The following ZNF532 variants were observed in gnomAD, a reference collection of about 807,000 sequenced individuals.
The protein encoded by ZNF532 is zinc finger protein 532.
Under a neutral mutation model 89.3 loss-of-function variants are expected in ZNF532, and 22 were observed. The ratio of observed to expected loss-of-function variants is 0.25; its 90% confidence interval spans 0.18 to 0.35. ZNF532 has a LOEUF of 0.35. Ranked by LOEUF, ZNF532 falls within the 10% of genes least tolerant of loss-of-function variation. ZNF532 has a pLI of 1.00. For missense variants in ZNF532, 1,132 were observed against 1,643.4 expected (o/e 0.69, Z 5.38); for synonymous variants, 606 against 649.6 (o/e 0.93, Z 1.02).
intron 3 of ZNF532, among the ~76,000 whole-genome samples, 191 bp downstream of exon 3, chr18:58,920,824 G>A (rs148765223): frequency 4.5e-4 from 68 of 150,362 alleles, no homozygotes; most frequent in Admixed American, 1.4e-3. Flanking sequence ...CTGTGCAGCC[G>A]GGCACATGAT....
At chr18:58,960,366 A>G (rs12953858) in intron 7 of ZNF532, among the ~76,000 whole-genome samples, 30,954 of 152,162 alleles carry the variant, frequency 0.2, 4,240 homozygotes, top group Middle Eastern at 0.37. Context: ...CCATCTTTAC[A>G]TGGGGTGAAA....
chr18:58,888,727 AT>A (rs1160506169), intron 2 of ZNF532, among the ~76,000 whole-genome samples: 5 of 9,250 alleles, frequency 5.4e-4, no homozygotes, highest in South Asian at 3.7e-3. Context: ...ATATATATAA[AT>A]TATATATATA....
intron 2 of ZNF532, among the ~76,000 whole-genome samples, chr18:58,905,520 A>G (rs765874911): frequency 6.6e-6 from 1 of 151,152 alleles, no homozygotes; most frequent in Non-Finnish European, 1.5e-5. Flanking sequence ...CCACTCCAGC[A>G]TCTGGAGTAG....
intron 2 of ZNF532, among the ~76,000 whole-genome samples, chr18:58,877,020 A>G (rs1170648625): frequency 2.0e-5 from 3 of 151,982 alleles, no homozygotes; most frequent in Non-Finnish European, 4.4e-5. Flanking sequence ...GGATCACACT[A>G]CTGCACTTCA....
rs142598430 is a variant in ZNF532 at position 58,939,299 on chromosome 18, A to G, written c.2529-146A>G. 3 of 326,532 alleles carry G rather than the reference A, an allele frequency of 9.2e-6. No homozygotes were observed. The East Asian group carries it at 1.3e-4, about 14-fold the overall frequency. The allele number at this position is 326,532 out of a possible 1,614,324, so 20.2% of individuals were successfully genotyped here. On this transcript the variant is annotated intron_variant, in intron 4 of 9. Transcript: ENST00000591808. The stretch of plus-strand genomic sequence containing the variant: ...AACCCATAAACAATTAAGTTGATTT[A>G]TAATAGGAAAAAAACTAAAATATAC...
chr18:58,907,326 C>T (rs534566097), intron 2 of ZNF532, among the ~76,000 whole-genome samples: 1 of 152,218 alleles, frequency 6.6e-6, no homozygotes, highest in South Asian at 2.1e-4. Context: ...GCTGGGATTA[C>T]AGACGCGTGC....
At position 58,888,869 on chromosome 18, in the gene ZNF532, AT is replaced by A. The variant is rs2058652315; in HGVS notation, c.-18+23291del. On this transcript the variant is annotated intron_variant, in intron 2 of 9. Coordinates refer to ENST00000591808, the MANE Select transcript of ZNF532 (RefSeq NM_001375912.1). ...TATATATATAATTTATATATATATA[AT>A]ATATATTATATATATATATTTTATA... Among the ~76,000 whole-genome samples, 9 of 42,668 alleles carry A rather than the reference AT, an allele frequency of 2.1e-4. 1 individual carries two copies. The South Asian group carries it at 6.0e-3, about 28-fold the overall frequency. The allele number at this position is 42,668 out of a possible 152,430, so 28.0% of individuals were successfully genotyped here. A position where few individuals can be genotyped will look rare whatever the true frequency, so the allele number is the denominator to read the frequency against.
chr18:58,916,852 A>G, intron 2 of ZNF532: 1 of 504,042 alleles, frequency 2.0e-6, no homozygotes. Flanking sequence ...TACTTTTATT[A>G]GGAATGTGTG....
chr18:58,978,651 G>C (rs56906241), intron 7 of ZNF532, among the ~76,000 whole-genome samples: 2 of 151,930 alleles, frequency 1.3e-5, no homozygotes, highest in Admixed American at 1.3e-4. Context: ...TTTTGGTTTT[G>C]TTACTGTATT....
chr18:58,893,873 G>A (rs565869219), intron 2 of ZNF532, among the ~76,000 whole-genome samples: 7 of 152,248 alleles, frequency 4.6e-5, no homozygotes, highest in Admixed American at 1.3e-4. Flanking sequence ...ATGGTGACTC[G>A]TTTTTACCTG....
At chr18:58,942,883 T>A (rs2063321455) in intron 5 of ZNF532, among the ~76,000 whole-genome samples, 1 of 152,234 alleles carries the variant, frequency 6.6e-6, no homozygotes, top group Admixed American at 6.5e-5. Context: ...ATTACTTTTT[T>A]AAATGATCAG....
At chr18:58,962,837 G>A (rs552449588) in intron 7 of ZNF532, among the ~76,000 whole-genome samples, 11 of 151,930 alleles carry the variant, frequency 7.2e-5, no homozygotes, top group Non-Finnish European at 1.3e-4. Context: ...TTCTGACCTC[G>A]TGATCTGCCC....
intron 2 of ZNF532, among the ~76,000 whole-genome samples, chr18:58,885,431 A>T (rs2058232115): frequency 6.6e-6 from 1 of 152,230 alleles, no homozygotes; most frequent in Non-Finnish European, 1.5e-5. Context: ...ACAGATATAC[A>T]TTATGACCTT....
At chr18:58,884,208 G>GTC (rs907028576) in intron 2 of ZNF532, among the ~76,000 whole-genome samples, 13 of 152,358 alleles carry the variant, frequency 8.5e-5, no homozygotes, top group African/African-American at 2.9e-4. Context: ...GTGAAACCCT[G>GTC]TCTCTACTAA....
intron 6 of ZNF532, among the ~76,000 whole-genome samples, chr18:58,952,484 A>G (rs1283461643): frequency 2.6e-5 from 4 of 152,086 alleles, no homozygotes; most frequent in Admixed American, 2.6e-4. Context: ...AGCTCACTGT[A>G]ACCTTGAACT....
At chr18:58,896,132 C>T (rs946753937) in intron 2 of ZNF532, among the ~76,000 whole-genome samples, 3 of 152,148 alleles carry the variant, frequency 2.0e-5, no homozygotes, top group South Asian at 4.1e-4. Flanking sequence ...AAATTATGGG[C>T]GTCACCCAGC....
chr18:58,946,470 G>A (rs758129340), intron 5 of ZNF532, among the ~76,000 whole-genome samples: 84 of 151,722 alleles, frequency 5.5e-4, no homozygotes, highest in Non-Finnish European at 9.4e-4. Flanking sequence ...ATAGGGTTTC[G>A]CCCTGTTGCC....
rs200298951 is a variant in ZNF532 at position 58,964,535 on chromosome 18, T to TTGTGTG, written c.3150+10776_3150+10781dup. 1.3e-3 allele frequency among the ~76,000 whole-genome samples: 176 copies of TTGTGTG among 138,620 alleles called. 1 individual carries two copies. Among genetic ancestry groups the TTGTGTG allele is most frequent in the Non-Finnish European group, 1.6e-3 (106 of 64,376 alleles). 90.9% of individuals were successfully genotyped at this position (138,620 alleles called of 152,430 possible). The stretch of plus-strand genomic sequence containing the variant: ...TTGGCCACTGGAATTGATATTTTGT[T>TTGTGTG]TGTGTGTGTGTGTGTGTGTGTGTGT... On this transcript the variant is annotated intron_variant, in intron 7 of 9. Coordinates refer to ENST00000591808, the MANE Select transcript of ZNF532 (RefSeq NM_001375912.1).
chr18:58,917,210 C>G (rs1414251004), intron 2 of ZNF532, among the ~76,000 whole-genome samples: 1 of 152,182 alleles, frequency 6.6e-6, no homozygotes, highest in Non-Finnish European at 1.5e-5. Context: ...CCCTCACTTG[C>G]TGAGGGCCCC....
Sources: allele counts gnomAD v4.1 joint callset (sites outside exome capture counted in the v4.1 genomes callset), GRCh38; gene constraint gnomAD v4.1.1; transcripts MANE v1.5; gene names NCBI Gene and HGNC (gene_info 2026-07-23, HGNC 2026-07-21).